Variants in F13A1 observed in about 807,000 individuals in gnomAD.
F13A1 encodes FSF, A subunit.
Under a neutral mutation model 80.1 loss-of-function variants are expected in F13A1, and 47 were observed. The ratio of observed to expected loss-of-function variants is 0.59; its 90% CI spans 0.46 to 0.75. The LOEUF is 0.75. F13A1 is among the 30% of genes least tolerant of loss of function. The probability of loss-of-function intolerance (pLI) is 0.00; values close to 1 mark genes in which losing one functional copy is unlikely to be tolerated. For missense variants in F13A1, 817 were observed against 930.4 expected, an observed-to-expected ratio of 0.88 and a Z score of 1.59; for synonymous variants, 349 against 344.9, an observed-to-expected ratio of 1.01 and a Z score of -0.13.
At chr6:6,209,810 G>C (rs1045259990) in intron 8 of F13A1, among the ~76,000 whole-genome samples, 9 of 152,238 alleles carry the variant, frequency 5.9e-5, no homozygotes, top group African/African-American at 1.7e-4. Context: ...TCCATAGAGA[G>C]AGAAAGTAGA....
intron 8 of F13A1, among the ~76,000 whole-genome samples, chr6:6,202,324 T>C (rs1429920804): frequency 6.6e-6 from 1 of 152,242 alleles, no homozygotes; most frequent in Non-Finnish European, 1.5e-5. Flanking sequence ...TTTTCTGTTT[T>C]CATCTTGCAA....
At chr6:6,316,079 A>ATGTGTG (rs1758677793) in intron 2 of F13A1, among the ~76,000 whole-genome samples, 2 of 2,856 alleles carry the variant, frequency 7.0e-4, no homozygotes, top group South Asian at 5.2e-3. Context: ...GTGTGTGTGC[A>ATGTGTG]TATATATATA....
Position 6,162,167 on chromosome 6 carries a change from C to T in F13A1, c.1908+5291G>A, listed in dbSNP as rs182685100. On this transcript the variant is annotated intron_variant, in intron 13 of 14. Coordinates refer to ENST00000264870, the MANE Select transcript of F13A1 (RefSeq NM_000129.4). The surrounding 1 kb of genome is among the most constrained non-coding windows in gnomAD (Gnocchi z 4.2). ...CTTGAAGCCTCTTTGTTCAGAGAGT[C>T]GATGATAAAGCTCTCATCCAAAATT... 7.9e-5 allele frequency among the ~76,000 whole-genome samples: 12 copies of T among 152,214 alleles called. No individual in the cohort carries two copies. In the East Asian group the frequency reaches 1.2e-3, roughly 15 times the overall value.
chr6:6,304,680 G>C (rs908288107), intron 3 of F13A1, among the ~76,000 whole-genome samples: 3 of 151,954 alleles, frequency 2.0e-5, no homozygotes, highest in African/African-American at 7.3e-5. Context: ...TGGACAACAT[G>C]GTGAAACTCT....
At chr6:6,316,125 A>AGTT (rs1758681064) in intron 2 of F13A1, among the ~76,000 whole-genome samples, 1 of 59,098 alleles carries the variant, frequency 1.7e-5, no homozygotes, top group Non-Finnish European at 3.1e-5. Context: ...ATATATATAT[A>AGTT]TATATATATA....
In F13A1 at chr6:6,250,401, G is replaced by C. The variant is rs3024374; in HGVS notation, c.690+410C>G. ...CTCTTTTCTAATTAGCAGTACCCTAGGCTAACACTTAAAAAAAAAAAAAAA... is the reference window on the plus strand; with the variant it reads ...CTCTTTTCTAATTAGCAGTACCCTACGCTAACACTTAAAAAAAAAAAAAAA... On this transcript the variant is annotated intron_variant, in intron 5 of 14. Transcript: ENST00000264870. This position sits in a 1 kb window ranked among gnomAD's most constrained non-coding sequence, Gnocchi z 4.2. Among the ~76,000 whole-genome samples, 1,003 of 142,068 alleles carry C rather than the reference G, an allele frequency of 7.1e-3. 12 individuals carry two copies. Among genetic ancestry groups the C allele is most frequent in the African/African-American group, 0.026 (960 of 36,564 alleles). 93.2% of individuals were successfully genotyped at this position (142,068 alleles called of 152,430 possible). A position where few individuals can be genotyped will look rare whatever the true frequency, so the allele number is the denominator to read the frequency against.
At chr6:6,290,480 A>T (rs1202835047) in intron 3 of F13A1, among the ~76,000 whole-genome samples, 2 of 152,230 alleles carry the variant, frequency 1.3e-5, no homozygotes, top group Non-Finnish European at 2.9e-5. Flanking sequence ...TTTATAGTAG[A>T]ACAATTTTGG....
At chr6:6,228,624 C>A (rs988758375) in intron 6 of F13A1, among the ~76,000 whole-genome samples, 3 of 150,340 alleles carry the variant, frequency 2.0e-5, no homozygotes, top group African/African-American at 7.4e-5. Context: ...GTCCCCGCTA[C>A]TCTGGAGGCT....
intron 10 of F13A1, among the ~76,000 whole-genome samples, chr6:6,182,820 T>C (rs1365519126): frequency 6.6e-6 from 1 of 152,192 alleles, no homozygotes; most frequent in East Asian, 1.9e-4. Context: ...ATTTCTTATA[T>C]GAGAAAATCA....
chr6:6,158,063 C>T (rs534877422), intron 13 of F13A1, among the ~76,000 whole-genome samples: 170 of 152,228 alleles, frequency 1.1e-3, no homozygotes, highest in Non-Finnish European at 1.8e-3. Context: ...GTGAAAGTAG[C>T]CACGAGGGGA....
intron 1 of F13A1, 25 bp from the exon 2 acceptor site, chr6:6,318,707 A>G (rs375119627): frequency 1.3e-6 from 2 of 1,595,560 alleles, no homozygotes; most frequent in Non-Finnish European, 1.7e-6. Flanking sequence ...AAAAAAGAAG[A>G]CAACAGAAAA....
chr6:6,247,231 TCA>T (rs146310898), intron 6 of F13A1, among the ~76,000 whole-genome samples: 4,885 of 152,322 alleles, frequency 0.032, 223 homozygotes, highest in African/African-American at 0.1. Flanking sequence ...TTCATATCAT[TCA>T]CAGTCTAATA....
At chr6:6,301,612 A>G (rs1288043210) in intron 3 of F13A1, among the ~76,000 whole-genome samples, 1 of 152,192 alleles carries the variant, frequency 6.6e-6, no homozygotes, top group Non-Finnish European at 1.5e-5. Flanking sequence ...CCCCTCTTTT[A>G]TTGAGGGAAC....
At chr6:6,298,895 C>G (rs1758375343) in intron 3 of F13A1, among the ~76,000 whole-genome samples, 1 of 148,484 alleles carries the variant, frequency 6.7e-6, no homozygotes, top group South Asian at 2.1e-4. Context: ...ACTGGTTGTT[C>G]CTTTCCATGT....
rs530816808 is a variant in F13A1, at chr6:6,300,388, A to C, written c.319+4963T>G. On this transcript the variant is annotated intron_variant, in intron 3 of 14. Transcript: ENST00000264870. ...ATCTCAGACTGCTGTGCCAGCAATC[A>C]GCGAGACTCCGTGGGCGTAGGACCC... Among the ~76,000 whole-genome samples the C allele has an allele frequency of 4.6e-5, 7 of 151,410 alleles. No homozygotes were observed. In the East Asian group the frequency reaches 1.4e-3, roughly 29 times the overall value.
At chr6:6,161,196 A>G (rs376999121) in intron 13 of F13A1, among the ~76,000 whole-genome samples, 1 of 152,120 alleles carries the variant, frequency 6.6e-6, no homozygotes, top group African/African-American at 2.4e-5. Context: ...TCCACAGGGA[A>G]TGCTGCATAC....
intron 6 of F13A1, among the ~76,000 whole-genome samples, chr6:6,240,515 T>G (rs892285296): frequency 6.6e-6 from 1 of 152,116 alleles, no homozygotes; most frequent in African/African-American, 2.4e-5. Flanking sequence ...TGTGAATTAG[T>G]GGGGCCAGGC....
chr6:6,264,416 A>G (rs1757816898), intron 4 of F13A1, among the ~76,000 whole-genome samples: 1 of 152,238 alleles, frequency 6.6e-6, no homozygotes, highest in Non-Finnish European at 1.5e-5. Context: ...ATTGATAAGT[A>G]TGAATTTTTA....
intron 2 of F13A1, among the ~76,000 whole-genome samples, chr6:6,314,307 C>G (rs1758649604): frequency 6.6e-6 from 1 of 152,070 alleles, no homozygotes; most frequent in Non-Finnish European, 1.5e-5. Context: ...AAGCATAATT[C>G]TGATTATGTA....
Sources: allele counts gnomAD v4.1 joint callset (sites outside exome capture counted in the v4.1 genomes callset), GRCh38; gene constraint gnomAD v4.1.1; non-coding constraint Gnocchi (gnomAD v3.1); transcripts MANE v1.5; gene names NCBI Gene and HGNC (gene_info 2026-07-23, HGNC 2026-07-21).